The following AHI1 variants were observed in gnomAD, a reference collection of about 807,000 sequenced individuals.
AHI1 encodes Abelson helper integration site 1.
A neutral mutation model predicts 149.3 loss-of-function variants in AHI1; 123 were observed. The ratio of observed to expected loss-of-function variants is 0.82; its 90% CI spans 0.71 to 0.96. The LOEUF (loss-of-function observed/expected upper bound fraction) is 0.96. Among genes scored for constraint, AHI1 ranks in the 40% least tolerant of loss-of-function variants. The pLI, the probability that AHI1 is intolerant of heterozygous loss-of-function variation, is 0.00. For missense variants in AHI1, 1,439 were observed against 1,422.7 expected, an observed-to-expected ratio of 1.01 and a Z score of -0.18; for synonymous variants, 475 against 459.8, an observed-to-expected ratio of 1.03 and a Z score of -0.42.
At chr6:135,446,947 T>C (rs1176341085) in intron 13 of AHI1, 61 bp downstream of exon 13, 10 of 1,495,680 alleles carry the variant, frequency 6.7e-6, no homozygotes, top group African/African-American at 1.4e-5. Flanking sequence ...CTAGGAGTTA[T>C]TGGAGTTTTT....
intron 26 of AHI1, among the ~76,000 whole-genome samples, chr6:135,313,243 C>A (rs1164423718): frequency 6.6e-6 from 1 of 152,156 alleles, no homozygotes; most frequent in African/African-American, 2.4e-5. Flanking sequence ...TACTGTCTTA[C>A]ACACATAGCA....
At chr6:135,379,364 T>TACTTCA (rs1234534228) in intron 23 of AHI1, among the ~76,000 whole-genome samples, 1 of 152,164 alleles carries the variant, frequency 6.6e-6, no homozygotes, top group East Asian at 1.9e-4. Flanking sequence ...TCCACTCTCT[T>TACTTCA]ACTTCAACCC....
chr6:135,446,931 G>T, intron 13 of AHI1, 77 bp downstream of exon 13: 1 of 1,386,414 alleles, frequency 7.2e-7, no homozygotes, highest in Non-Finnish European at 9.7e-7. Context: ...TAGTAAGCTA[G>T]ATATCCTAGG....
chr6:135,332,420 A>G (rs1379894918), intron 24 of AHI1, among the ~76,000 whole-genome samples: 3 of 152,206 alleles, frequency 2.0e-5, no homozygotes, highest in African/African-American at 7.2e-5. Flanking sequence ...CTAGGGATAA[A>G]TTAACCCCAC....
chr6:135,430,683 T>A (rs964902445), intron 17 of AHI1, among the ~76,000 whole-genome samples: 1 of 151,900 alleles, frequency 6.6e-6, no homozygotes, highest in Non-Finnish European at 1.5e-5. Flanking sequence ...CAAGCTGTCT[T>A]AAAAACACTC....
rs77322873 is a variant in AHI1 at position 135,408,768 on chromosome 6, G to C, written c.2961+2580C>G. Among the ~76,000 whole-genome samples, 151 of 152,276 alleles carry C rather than the reference G, an allele frequency of 9.9e-4. 2 individuals are homozygous for C. In the East Asian group the frequency reaches 0.025, roughly 25 times the overall value. ...CAATGAACAAGGGTGCACAGCCCCT[G>C]TCTTCAAGGAGCTCAAAGTAATTCT... On this transcript the variant is annotated intron_variant, in intron 21 of 28. Transcript: ENST00000265602.
chr6:135,335,301 T>A (rs1355330104), intron 24 of AHI1, among the ~76,000 whole-genome samples: 1 of 152,190 alleles, frequency 6.6e-6, no homozygotes, highest in Non-Finnish European at 1.5e-5. Context: ...TAGGTTTCCT[T>A]ACAATCTCTT....
chr6:135,360,593 G>T (rs1562575147), intron 23 of AHI1, among the ~76,000 whole-genome samples: 1 of 152,064 alleles, frequency 6.6e-6, no homozygotes, highest in Non-Finnish European at 1.5e-5. Context: ...TCTTCCTACT[G>T]GTTCTGTTTC....
At chr6:135,348,471 A>G (rs1253406862) in intron 24 of AHI1, among the ~76,000 whole-genome samples, 1 of 152,154 alleles carries the variant, frequency 6.6e-6, no homozygotes, top group Admixed American at 6.5e-5. Flanking sequence ...TCTTATTTTA[A>G]AGGCATGCAG....
chr6:135,295,232 G>C (rs1180361685), intron 27 of AHI1, among the ~76,000 whole-genome samples: 1 of 152,192 alleles, frequency 6.6e-6, no homozygotes, highest in Non-Finnish European at 1.5e-5. Context: ...ATCTCTACAT[G>C]TATTGGAATG....
chr6:135,362,580 T>C (rs1315758888), intron 23 of AHI1, among the ~76,000 whole-genome samples: 1 of 152,232 alleles, frequency 6.6e-6, no homozygotes, highest in East Asian at 1.9e-4. Context: ...TGGCATCACA[T>C]TGCAGTTTTG....
chr6:135,308,981 C>G (rs913977206), intron 26 of AHI1, among the ~76,000 whole-genome samples: 2 of 152,078 alleles, frequency 1.3e-5, no homozygotes, highest in African/African-American at 2.4e-5. Flanking sequence ...GAGCACTTGC[C>G]CAAAGTGGCA....
At chr6:135,360,864 TAAAG>T (rs1008485568) in intron 23 of AHI1, among the ~76,000 whole-genome samples, 35 of 152,342 alleles carry the variant, frequency 2.3e-4, no homozygotes, top group African/African-American at 7.2e-4. Context: ...GTCAGCAGAA[TAAAG>T]AATCAATCTA....
At chr6:135,418,661 G>C (rs13213251) in intron 20 of AHI1, among the ~76,000 whole-genome samples, 5,169 of 152,028 alleles carry the variant, frequency 0.034, 114 homozygotes, top group Non-Finnish European at 0.052. Context: ...ATAATGAAGT[G>C]AACCTGGAAT....
intron 24 of AHI1, 142 bp from the exon 25 acceptor site, chr6:135,323,466 T>C: frequency 4.0e-6 from 3 of 758,934 alleles, no homozygotes; most frequent in Non-Finnish European, 6.1e-6. Context: ...GGTTTGCTAA[T>C]GGGATGAGGG....
At chr6:135,302,284 T>G in intron 26 of AHI1, 1 of 985,530 alleles carries the variant, frequency 1.0e-6, no homozygotes, top group Non-Finnish European at 1.2e-6. Flanking sequence ...AGGGCTCTAA[T>G]CAGAAATTCT....
chr6:135,443,452 T>C (rs1209853458), intron 13 of AHI1, among the ~76,000 whole-genome samples: 1 of 152,212 alleles, frequency 6.6e-6, no homozygotes, highest in Non-Finnish European at 1.5e-5. Context: ...GCTCTTACTA[T>C]ATGTCATGAA....
rs539657136 is a variant in AHI1, at chr6:135,327,031, T to C, written c.3166-3707A>G. On this transcript the variant is annotated intron_variant, in intron 24 of 28. Coordinates refer to ENST00000265602, the MANE Select transcript of AHI1 (RefSeq NM_001134831.2). The stretch of plus-strand genomic sequence containing the variant: ...TCGTGAGTTACTTCACTTAGGATAA[T>C]GGTCCCATTCCCATACAGGTTGCTG... Among the ~76,000 whole-genome samples the C allele has an allele frequency of 9.3e-4, 141 of 152,356 alleles. 1 individual carries two copies. Among genetic ancestry groups the C allele is most frequent in the African/African-American group, 3.0e-3 (126 of 41,586 alleles).
chr6:135,466,525 G>A (rs987954762), intron 6 of AHI1, among the ~76,000 whole-genome samples, 152 bp from the exon 7 acceptor site: 1 of 152,176 alleles, frequency 6.6e-6, no homozygotes, highest in African/African-American at 2.4e-5. Flanking sequence ...TAGAGCATAT[G>A]AGTACTCTCA....
Sources: gnomAD v4.1 joint callset for allele counts (sites outside exome capture counted in the v4.1 genomes callset) on GRCh38, gnomAD v4.1.1 for gene constraint, MANE v1.5 for transcripts, NCBI Gene and HGNC (gene_info 2026-07-23, HGNC 2026-07-21) for gene names.